ARSG: variants seen among roughly 807,000 people sequenced by gnomAD.
The protein encoded by ARSG is arylsulfatase G.
ARSG carries 37 observed loss-of-function variants against 50.5 expected under a neutral mutation model. The ratio of observed to expected loss-of-function variants is 0.73; its 90% confidence interval spans 0.56 to 0.96. The LOEUF is 0.96. Among genes scored for constraint, ARSG ranks in the 50% least tolerant of loss-of-function variants. The probability of loss-of-function intolerance (pLI) is 0.00; values close to 1 mark genes in which losing one functional copy is unlikely to be tolerated. For missense variants in ARSG, 629 were observed against 675.3 expected (o/e 0.93, Z 0.76); for synonymous variants, 225 against 254.6 (o/e 0.88, Z 1.11).
chr17:68,342,319 T>C (rs2078303377), intron 2 of ARSG, among the ~76,000 whole-genome samples: 1 of 151,176 alleles, frequency 6.6e-6, no homozygotes, highest in Non-Finnish European at 1.5e-5. Flanking sequence ...GATACCTTAT[T>C]TTATGTACAT....
At chr17:68,338,930 G>C (rs1284583932) in intron 2 of ARSG, among the ~76,000 whole-genome samples, 1 of 152,178 alleles carries the variant, frequency 6.6e-6, no homozygotes, top group Non-Finnish European at 1.5e-5. Context: ...AGCTGTTGCT[G>C]CTCAGTAAAT....
In ARSG at chr17:68,376,277, A is replaced by G. The variant is rs12452935; in HGVS notation, c.982+5753A>G. 9.9e-3 allele frequency among the ~76,000 whole-genome samples: 1,238 copies of G among 124,878 alleles called. 54 individuals are homozygous for G. Among genetic ancestry groups the G allele is most frequent in the East Asian group, 0.061 (257 of 4,190 alleles). The allele number at this position is 124,878 out of a possible 152,430, so 81.9% of individuals were successfully genotyped here. On this transcript the variant is annotated intron_variant, in intron 8 of 11. Coordinates refer to ENST00000621439, the MANE Select transcript of ARSG (RefSeq NM_001267727.2). Reference sequence around the variant, plus strand: ...AGGAGTGTGCCACTGCGCCCCCTGCATTTTTTTTTTTTTTTCTGAGATAGG... The same window carrying G: ...AGGAGTGTGCCACTGCGCCCCCTGCGTTTTTTTTTTTTTTTCTGAGATAGG...
At chr17:68,375,403 A>C (rs1032002546) in intron 8 of ARSG, among the ~76,000 whole-genome samples, 1 of 152,210 alleles carries the variant, frequency 6.6e-6, no homozygotes, top group Non-Finnish European at 1.5e-5. Flanking sequence ...ACCCCGGGCC[A>C]AAAGAATCAG....
chr17:68,273,883 A>G (rs1201821374), intron 1 of ARSG: 1 of 1,596,186 alleles, frequency 6.3e-7, no homozygotes, highest in Non-Finnish European at 8.6e-7. Flanking sequence ...TTGTTCTTCA[A>G]ACTAAGTGTC....
chr17:68,424,745 C>T (rs1003876999), downstream of ARSG, among the ~76,000 whole-genome samples: 6 of 152,190 alleles, frequency 3.9e-5, no homozygotes, highest in East Asian at 7.7e-4. Context: ...GGCATGGTGG[C>T]GCACATCTGT....
chr17:68,267,424 T>C (rs2075191413), intron 1 of ARSG: 1 of 152,216 alleles, frequency 6.6e-6, no homozygotes, highest in South Asian at 2.1e-4. Context: ...CAAAGTTTTA[T>C]AGATTGTCCT....
chr17:68,386,886 TGA>T (rs1334896849), intron 9 of ARSG, among the ~76,000 whole-genome samples: 1 of 152,068 alleles, frequency 6.6e-6, no homozygotes, highest in African/African-American at 2.4e-5. Context: ...GACAACTGAC[TGA>T]GAGGATGGTT....
intron 11 of ARSG, among the ~76,000 whole-genome samples, chr17:68,407,601 T>G (rs914298314): frequency 2.6e-5 from 4 of 152,048 alleles, no homozygotes; most frequent in African/African-American, 9.7e-5. Context: ...TTCCTAAGTT[T>G]TTTTTTTTTT....
intron 1 of ARSG, among the ~76,000 whole-genome samples, chr17:68,259,781 A>G (rs2075044517): frequency 2.0e-5 from 3 of 152,216 alleles, no homozygotes; most frequent in Admixed American, 2.0e-4. Flanking sequence ...TCAAGTGCTC[A>G]ACAGCCCCAT....
At chr17:68,304,954 A>G (rs2145543905) in intron 1 of ARSG, among the ~76,000 whole-genome samples, 1 of 152,294 alleles carries the variant, frequency 6.6e-6, no homozygotes, top group South Asian at 2.1e-4. Context: ...TGGGAGGATC[A>G]CTTGAACCCA....
chr17:68,329,812 TA>T (rs907600844), intron 2 of ARSG, among the ~76,000 whole-genome samples: 19 of 152,138 alleles, frequency 1.2e-4, no homozygotes, highest in Non-Finnish European at 2.4e-4. Flanking sequence ...ACTGATAAGC[TA>T]AAAAAAATCA....
intron 7 of ARSG, among the ~76,000 whole-genome samples, chr17:68,369,748 A>G (rs951924854): frequency 5.3e-5 from 8 of 152,186 alleles, no homozygotes; most frequent in Admixed American, 3.9e-4. Flanking sequence ...GAGATGATGT[A>G]TGTGAAACAC....
chr17:68,420,204 G>A lies in ARSG; in HGVS notation c.1319G>A (p.Cys440Tyr), dbSNP rs763329529. 1.2e-6 allele frequency: 2 copies of A among 1,614,086 alleles called. No individual in the cohort carries two copies. Among genetic ancestry groups the A allele is most frequent in the South Asian group, 2.2e-5 (2 of 91,072 alleles). ...CCCTCTCTAGGTGGAGCCAGGGCGT[G>A]TGATGGGAGCACGGGGCCTGAGCTG... is the stretch of plus-strand genomic sequence containing the variant. ...AFYITGGARA[C>Y]DGSTGPELQH... Residue 440 changes from cysteine (C) to tyrosine (Y), a missense_variant, in exon 12 of 12, where the codon TGT becomes TAT. Cys to Tyr is a radical substitution (Grantham distance 194, BLOSUM62 -2). Transcript: ENST00000621439.
chr17:68,343,653 T>G lies in ARSG; in HGVS notation c.268T>G (p.Ser90Ala). 1.2e-6 allele frequency: 2 copies of G among 1,613,988 alleles called. No individual in the cohort carries two copies. Among genetic ancestry groups the G allele is most frequent in the Non-Finnish European group, 1.7e-6 (2 of 1,179,914 alleles). ...CTCCACCTGCTCACCCTCCCGGGCT[T>G]CCTTGCTCACCGGCCGGCTTGGCCT... ...AASTCSPSRA[S>A]LLTGRLGLRN... The change falls in exon 3 of 12, where the codon TCC becomes GCC. Residue 90 changes from serine (S) to alanine (A), a missense_variant. Transcript: ENST00000621439.
the ARSG span, among the ~76,000 whole-genome samples, chr17:68,451,987 A>G: frequency 6.6e-6 from 1 of 152,224 alleles, no homozygotes. Context: ...TAACAATAAC[A>G]TCTTACAAAT....
At chr17:68,328,273 C>T (rs184556442) in intron 2 of ARSG, among the ~76,000 whole-genome samples, 1 of 152,268 alleles carries the variant, frequency 6.6e-6, no homozygotes, top group East Asian at 1.9e-4. Context: ...ATTTTAAAAA[C>T]CTACTCTGTG....
At chr17:68,289,047 T>G, upstream of ARSG, among the ~76,000 whole-genome samples, 1 of 152,158 alleles carries the variant, frequency 6.6e-6, no homozygotes, top group Admixed American at 6.6e-5. Context: ...AAGTGTCCCC[T>G]TAAATAAATG....
At chr17:68,341,146 G>A (rs1305023217) in intron 2 of ARSG, among the ~76,000 whole-genome samples, 1 of 152,022 alleles carries the variant, frequency 6.6e-6, no homozygotes, top group Non-Finnish European at 1.5e-5. Context: ...CATTAATATT[G>A]TACAGCCAGA....
chr17:68,296,704 A>G (rs1361713190), intron 1 of ARSG, among the ~76,000 whole-genome samples: 1 of 152,106 alleles, frequency 6.6e-6, no homozygotes, highest in Non-Finnish European at 1.5e-5. Flanking sequence ...GCTCATCCAT[A>G]GCCCACTCGT....
Sources: gnomAD v4.1 joint callset for allele counts (sites outside exome capture counted in the v4.1 genomes callset) on GRCh38, gnomAD v4.1.1 for gene constraint, MANE v1.5 for transcripts, NCBI Gene and HGNC (gene_info 2026-07-23, HGNC 2026-07-21) for gene names.